GALNT1: variants seen among roughly 807,000 people sequenced by gnomAD.
GALNT1 encodes the protein GalNAc transferase 1.
A neutral mutation model predicts 65.7 loss-of-function variants in GALNT1; 17 were observed. That is an observed-to-expected ratio of 0.26 (90% CI 0.18 to 0.39). GALNT1 has a LOEUF of 0.39. Among genes scored for constraint, GALNT1 ranks in the 10% least tolerant of loss-of-function variants. The probability of loss-of-function intolerance (pLI) is 1.00; values close to 1 mark genes in which losing one functional copy is unlikely to be tolerated. For missense variants in GALNT1, 460 were observed against 672.8 expected (o/e 0.68, Z 3.50); for synonymous variants, 210 against 219.7 (o/e 0.96, Z 0.39).
At chr18:35,641,000 T>G (rs2047154208) in intron 1 of GALNT1, among the ~76,000 whole-genome samples, 1 of 152,230 alleles carries the variant, frequency 6.6e-6, no homozygotes, top group Non-Finnish European at 1.5e-5. Flanking sequence ...TGCTACTTTT[T>G]TTGTTTTAGA....
upstream of GALNT1, among the ~76,000 whole-genome samples, chr18:35,581,569 C>CG (rs2046314517): frequency 2.6e-3 from 2 of 762 alleles, no homozygotes; most frequent in African/African-American, 5.0e-3. Flanking sequence ...CGACGAGCCC[C>CG]AAGTGAGCGG....
At chr18:35,674,369 G>A (rs1376734400) in intron 3 of GALNT1, among the ~76,000 whole-genome samples, 1 of 152,130 alleles carries the variant, frequency 6.6e-6, no homozygotes. Context: ...TCATATATGT[G>A]GTCTGTTGTT....
rs144884093 is a variant in GALNT1 at position 35,634,258 on chromosome 18, G to A, written c.-103-20302G>A. On this transcript the variant is annotated intron_variant, in intron 1 of 11. Coordinates refer to ENST00000269195, the MANE Select transcript of GALNT1 (RefSeq NM_020474.4). ...AGAGGCTCAGGTTTTTGCAAATACA[G>A]TAACATTGCTAGGGGTCACATAACT... Among the ~76,000 whole-genome samples, 225 of 152,292 alleles carry A rather than the reference G, an allele frequency of 1.5e-3. 1 individual carries two copies. The highest frequency in any genetic ancestry group is 5.3e-3 in the African/African-American group (222 of 41,574).
At position 35,702,925 on chromosome 18, in the gene GALNT1, T is replaced by C; in HGVS notation, c.1328T>C (p.Leu443Pro). The change falls in exon 10 of 12, where the codon CTA (leucine) becomes CCA (proline). Residue 443 changes from leucine (L) to proline (P), a missense_variant. Coordinates refer to ENST00000269195, the MANE Select transcript of GALNT1 (RefSeq NM_020474.4). ...EIRNVETNQC[L>P]DNMARKENEK... ...CGAAATGTGGAAACGAATCAGTGTC[T>C]AGATAACATGGCTAGAAAAGAGAAT... The C allele has an allele frequency of 6.2e-7, 1 of 1,609,946 alleles. No individual in the cohort carries two copies. Among genetic ancestry groups the C allele is most frequent in the Non-Finnish European group, 8.5e-7 (1 of 1,178,608 alleles).
At chr18:35,704,896 G>A (rs1270427723) in intron 11 of GALNT1, among the ~76,000 whole-genome samples, 2 of 150,042 alleles carry the variant, frequency 1.3e-5, no homozygotes, top group African/African-American at 2.5e-5. Flanking sequence ...TGCCCACCTC[G>A]GCCTCCCAAA....
At chr18:35,656,161 C>T (rs1042992893) in intron 2 of GALNT1, among the ~76,000 whole-genome samples, 2 of 152,184 alleles carry the variant, frequency 1.3e-5, no homozygotes, top group Non-Finnish European at 2.9e-5. Flanking sequence ...TTTCCCCTCA[C>T]CCTACCTTAA....
At chr18:35,629,949 A>G (rs965458578) in intron 1 of GALNT1, among the ~76,000 whole-genome samples, 1 of 152,234 alleles carries the variant, frequency 6.6e-6, no homozygotes, top group African/African-American at 2.4e-5. Flanking sequence ...AAAGATCAAA[A>G]GAGACAAAGA....
At chr18:35,627,317 C>T (rs1362463563) in intron 1 of GALNT1, 1 of 152,238 alleles carries the variant, frequency 6.6e-6, no homozygotes, top group Non-Finnish European at 1.5e-5. Flanking sequence ...AAGGCATGAT[C>T]CTGGCACTCA....
intron 3 of GALNT1, among the ~76,000 whole-genome samples, chr18:35,674,553 C>T (rs950457393): frequency 2.6e-5 from 4 of 152,188 alleles, no homozygotes; most frequent in Admixed American, 6.5e-5. Context: ...AGAGCTTAGG[C>T]ATGCCTCATG....
At chr18:35,697,557 T>C (rs1233714625) in intron 9 of GALNT1, among the ~76,000 whole-genome samples, 2 of 152,192 alleles carry the variant, frequency 1.3e-5, no homozygotes, top group Non-Finnish European at 2.9e-5. Context: ...ATAAAACACC[T>C]TTTTTATTGG....
chr18:35,586,259 A>G (rs550474577), intron 1 of GALNT1, among the ~76,000 whole-genome samples: 7 of 152,212 alleles, frequency 4.6e-5, no homozygotes, highest in African/African-American at 9.6e-5. Flanking sequence ...TCAGGGAACT[A>G]TCTTTTGTTC....
rs779304776 is a variant in GALNT1, at chr18:35,703,622, A to G, written c.1512A>G (p.Gln504=). The G allele has an allele frequency of 6.2e-7, 1 of 1,613,902 alleles. No homozygotes were observed. Among genetic ancestry groups the G allele is most frequent in the Admixed American group, 1.7e-5 (1 of 60,004 alleles). The part of the protein sequence containing the change: ...MLKCHHLKGN[Q]LWEYDPVKLT... The stretch of plus-strand genomic sequence containing the variant: ...AATGCCACCACCTAAAAGGCAACCA[A>G]CTCTGGGAGTATGACCCAGTGGTAA... The change falls in exon 11 of 12, where the codon CAA becomes CAG. Residue 504 remains glutamine, a synonymous_variant. Coordinates refer to ENST00000269195, the MANE Select transcript of GALNT1 (RefSeq NM_020474.4).
intron 1 of GALNT1, among the ~76,000 whole-genome samples, chr18:35,650,976 C>T (rs956927785): frequency 2.6e-5 from 4 of 152,160 alleles, no homozygotes; most frequent in Non-Finnish European, 5.9e-5. Flanking sequence ...GAAATCTTCA[C>T]AATTTGTTCA....
intron 2 of GALNT1, among the ~76,000 whole-genome samples, chr18:35,655,767 G>A (rs1473435507): frequency 6.6e-6 from 1 of 152,068 alleles, no homozygotes; most frequent in Non-Finnish European, 1.5e-5. Flanking sequence ...ATATTGATTT[G>A]TATTGTTAAC....
At chr18:35,633,470 C>T (rs1423126635) in intron 1 of GALNT1, among the ~76,000 whole-genome samples, 1 of 148,278 alleles carries the variant, frequency 6.7e-6, no homozygotes, top group Admixed American at 6.9e-5. Context: ...CCCATGTTCT[C>T]ACTCATAGGT....
intron 1 of GALNT1, among the ~76,000 whole-genome samples, chr18:35,650,716 G>A (rs1292446807): frequency 5.3e-5 from 8 of 152,062 alleles, no homozygotes; most frequent in African/African-American, 1.2e-4. Flanking sequence ...GCTCTGTTCC[G>A]CCCGGCCCAC....
chr18:35,692,060 A>G, intron 8 of GALNT1, 121 bp from the exon 9 acceptor site: 1 of 757,652 alleles, frequency 1.3e-6, no homozygotes, highest in Admixed American at 2.7e-5. Flanking sequence ...CCACTTGTAT[A>G]GTCACATATC....
At chr18:35,611,107 T>A (rs1470710005) in intron 1 of GALNT1, among the ~76,000 whole-genome samples, 1 of 152,130 alleles carries the variant, frequency 6.6e-6, no homozygotes, top group Non-Finnish European at 1.5e-5. Context: ...AGGTGGATGA[T>A]TTTCAAACTT....
chr18:35,628,675 G>T (rs1318202646), intron 1 of GALNT1, among the ~76,000 whole-genome samples: 2 of 152,198 alleles, frequency 1.3e-5, no homozygotes, highest in African/African-American at 4.8e-5. Flanking sequence ...CTCCTCCAAG[G>T]GAACACAGCT....
Sources: gnomAD v4.1 joint callset for allele counts (sites outside exome capture counted in the v4.1 genomes callset) on GRCh38, gnomAD v4.1.1 for gene constraint, MANE v1.5 for transcripts, NCBI Gene and HGNC (gene_info 2026-07-23, HGNC 2026-07-21) for gene names.